The following TRAK1 variants were observed in gnomAD, a reference collection of about 807,000 sequenced individuals.
TRAK1 encodes the protein trafficking kinesin-binding protein 1.
In TRAK1, 33 loss-of-function variants were observed where a neutral mutation model predicts 92.1. That is an observed-to-expected ratio of 0.36 (90% confidence interval 0.27 to 0.48). The LOEUF (loss-of-function observed/expected upper bound fraction) is 0.48, where lower values mean the gene tolerates loss of function less well. Among genes scored for constraint, TRAK1 ranks in the 20% least tolerant of loss-of-function variants. The probability of loss-of-function intolerance (pLI) is 0.99; values close to 1 mark genes in which losing one functional copy is unlikely to be tolerated. For synonymous variants in TRAK1, 521 were observed against 517.3 expected, an observed-to-expected ratio of 1.01 and a Z score of -0.10; for missense variants, 1,123 against 1,257.9, an observed-to-expected ratio of 0.89 and a Z score of 1.62.
upstream of TRAK1, among the ~76,000 whole-genome samples, chr3:42,088,254 C>T (rs1704786419): frequency 1.3e-5 from 2 of 152,168 alleles, no homozygotes; most frequent in South Asian, 2.1e-4. Flanking sequence ...TGAGGACCTC[C>T]TGTGTGTCAG....
chr3:42,156,686 C>T (rs1484994372), intron 2 of TRAK1, among the ~76,000 whole-genome samples: 3 of 152,176 alleles, frequency 2.0e-5, no homozygotes, highest in Non-Finnish European at 4.4e-5. Flanking sequence ...CATCCATCCA[C>T]ATAAATGACT....
At chr3:42,176,596 G>T (rs1324819462) in intron 2 of TRAK1, among the ~76,000 whole-genome samples, 4 of 152,164 alleles carry the variant, frequency 2.6e-5, no homozygotes, top group Non-Finnish European at 5.9e-5. Flanking sequence ...GGTTTCACAG[G>T]GGTTACGAGT....
At chr3:42,157,884 T>C (rs1313348809) in intron 2 of TRAK1, among the ~76,000 whole-genome samples, 1 of 152,176 alleles carries the variant, frequency 6.6e-6, no homozygotes, top group African/African-American at 2.4e-5. Flanking sequence ...ATGTAGTAAA[T>C]GTTACCATTT....
At chr3:42,031,034 T>G (rs1487995483) in intron 1 of TRAK1, among the ~76,000 whole-genome samples, 1 of 4,758 alleles carries the variant, frequency 2.1e-4, no homozygotes, top group African/African-American at 2.2e-4. Flanking sequence ...GCTATTTGAA[T>G]TTTTTTTTTT....
chr3:42,097,772 T>C (rs1384738088), intron 1 of TRAK1, among the ~76,000 whole-genome samples: 1 of 152,212 alleles, frequency 6.6e-6, no homozygotes, highest in Admixed American at 6.5e-5. Flanking sequence ...CTGAACTTTA[T>C]ATCAAGGACT....
At chr3:42,196,494 T>G (rs1214213069) in intron 10 of TRAK1, among the ~76,000 whole-genome samples, 1 of 152,106 alleles carries the variant, frequency 6.6e-6, no homozygotes, top group Non-Finnish European at 1.5e-5. Context: ...TTGTCATCAT[T>G]AGAAATCACA....
chr3:42,041,739 A>G (rs906052572), intron 1 of TRAK1, among the ~76,000 whole-genome samples: 1 of 150,426 alleles, frequency 6.6e-6, no homozygotes, highest in Non-Finnish European at 1.5e-5. Context: ...TGGGTCTTTG[A>G]TAGATACACT....
At chr3:42,032,658 G>A (rs13315860) in intron 1 of TRAK1, among the ~76,000 whole-genome samples, 4,343 of 152,190 alleles carry the variant, frequency 0.029, 218 homozygotes, top group African/African-American at 0.099. Context: ...TATTTCCTCA[G>A]GGTTTCTTTT....
chr3:42,016,312 C>A (rs1054898519), intron 1 of TRAK1, among the ~76,000 whole-genome samples: 1 of 152,026 alleles, frequency 6.6e-6, no homozygotes, highest in African/African-American at 2.4e-5. Flanking sequence ...TCAAGTGATT[C>A]TTTGGCCTCA....
At chr3:42,188,540 T>G (rs1705225351) in intron 5 of TRAK1, among the ~76,000 whole-genome samples, 1 of 151,864 alleles carries the variant, frequency 6.6e-6, no homozygotes, top group Non-Finnish European at 1.5e-5. Context: ...GTTGGGAGCA[T>G]GAACTCCAGA....
At chr3:42,090,514 C>T (rs1254474125), upstream of TRAK1, among the ~76,000 whole-genome samples, 1 of 152,110 alleles carries the variant, frequency 6.6e-6, no homozygotes, top group African/African-American at 2.4e-5. Context: ...GGTGAAACCC[C>T]GTCTCTACTA....
chr3:42,115,656 T>A (rs1331042370), intron 1 of TRAK1, among the ~76,000 whole-genome samples: 2 of 152,196 alleles, frequency 1.3e-5, no homozygotes, highest in African/African-American at 4.8e-5. Context: ...GTGTTGGTTT[T>A]CGTTCCTGTC....
chr3:42,175,458 G>A (rs1703090618), intron 2 of TRAK1, among the ~76,000 whole-genome samples: 1 of 152,100 alleles, frequency 6.6e-6, no homozygotes, highest in Non-Finnish European at 1.5e-5. Flanking sequence ...TCCCTCCCTG[G>A]CAGCTCTGTC....
At chr3:42,053,933 G>A (rs1385417917) in intron 1 of TRAK1, among the ~76,000 whole-genome samples, 1 of 152,146 alleles carries the variant, frequency 6.6e-6, no homozygotes, top group African/African-American at 2.4e-5. Context: ...ATACTTGGAT[G>A]CACAAAGGTC....
chr3:42,143,773 C>T (rs1300906484), intron 2 of TRAK1, among the ~76,000 whole-genome samples: 7 of 152,084 alleles, frequency 4.6e-5, no homozygotes, highest in Non-Finnish European at 7.4e-5. Flanking sequence ...GGCTGTAACC[C>T]TCAGGAGTGT....
upstream of TRAK1, among the ~76,000 whole-genome samples, chr3:42,085,488 C>T (rs1192841234): frequency 2.0e-5 from 3 of 152,168 alleles, no homozygotes; most frequent in African/African-American, 4.8e-5. Context: ...AAATTTGAAA[C>T]TCTTCTGTTC....
At chr3:42,205,886 T>C (rs1708275758) in intron 13 of TRAK1, among the ~76,000 whole-genome samples, 1 of 152,236 alleles carries the variant, frequency 6.6e-6, no homozygotes, top group South Asian at 2.1e-4. Flanking sequence ...CCTTTTCCCA[T>C]AGAACTTTAT....
At chr3:42,066,916 G>T (rs1445771777) in intron 1 of TRAK1, among the ~76,000 whole-genome samples, 1 of 152,132 alleles carries the variant, frequency 6.6e-6, no homozygotes, top group Non-Finnish European at 1.5e-5. Flanking sequence ...CTGTGTCTTT[G>T]GTCCTTGACC....
intron 1 of TRAK1, among the ~76,000 whole-genome samples, chr3:42,016,040 A>T (rs1701511715): frequency 6.6e-6 from 1 of 151,968 alleles, no homozygotes; most frequent in African/African-American, 2.4e-5. Flanking sequence ...CCATCTCAAA[A>T]ACAAAAACAA....
Sources: gnomAD v4.1 joint callset for allele counts (sites outside exome capture counted in the v4.1 genomes callset) on GRCh38, gnomAD v4.1.1 for gene constraint, MANE v1.5 for transcripts, NCBI Gene and HGNC (gene_info 2026-07-23, HGNC 2026-07-21) for gene names.